The following MCMDC2 variants were observed in gnomAD, a reference collection of about 807,000 sequenced individuals.
The protein encoded by MCMDC2 is minichromosome maintenance domain-containing protein 2.
Under a neutral mutation model 75.8 loss-of-function variants are expected in MCMDC2, and 54 were observed. That is an observed-to-expected ratio of 0.71 (90% CI 0.57 to 0.89). The LOEUF is 0.89. MCMDC2 is among the 40% of genes least tolerant of loss of function. The pLI is 0.00. For missense variants in MCMDC2, 656 were observed against 780.4 expected (o/e 0.84, Z 1.90); for synonymous variants, 249 against 274.6 (o/e 0.91, Z 0.92).
At chr8:66,875,173 A>G (rs1811219274) in intron 4 of MCMDC2, among the ~76,000 whole-genome samples, 1 of 152,234 alleles carries the variant, frequency 6.6e-6, no homozygotes, top group Admixed American at 6.5e-5. Context: ...ATTTTTTCAT[A>G]CCTGCATCAT....
At chr8:66,925,545 G>A (rs796254873), downstream of MCMDC2, 51 of 152,490 alleles carry the variant, frequency 3.3e-4, no homozygotes, top group African/African-American at 1.2e-3. Flanking sequence ...GGGAAAGGAA[G>A]AGCGACATCG....
intron 14 of MCMDC2, among the ~76,000 whole-genome samples, chr8:66,908,759 C>T (rs1040292296): frequency 5.9e-5 from 9 of 152,076 alleles, no homozygotes; most frequent in Non-Finnish European, 1.3e-4. Context: ...TACAAGCATG[C>T]ACCACCACAC....
intron 14 of MCMDC2, among the ~76,000 whole-genome samples, chr8:66,907,537 T>C (rs1335734243): frequency 6.6e-6 from 1 of 152,202 alleles, no homozygotes; most frequent in Non-Finnish European, 1.5e-5. Flanking sequence ...TAAACATACG[T>C]GTGCATGTGT....
intron 4 of MCMDC2, among the ~76,000 whole-genome samples, chr8:66,875,341 G>A (rs796813615): frequency 1.7e-4 from 26 of 152,096 alleles, no homozygotes; most frequent in African/African-American, 5.3e-4. Context: ...GTGCAATGGC[G>A]TGATCTTGAC....
Position 66,921,014 on chromosome 8 carries a change from T to A in MCMDC2, c.*1845T>A, listed in dbSNP as rs1427843590. The A allele has an allele frequency of 1.3e-5, 2 of 152,168 alleles. No homozygotes were observed. The highest frequency in any genetic ancestry group is 4.8e-5 in the African/African-American group (2 of 41,424). The allele number at this position is 152,168 out of a possible 1,614,324, so 9.4% of individuals were successfully genotyped here. A position where few individuals can be genotyped will look rare whatever the true frequency, so the allele number is the denominator to read the frequency against. The stretch of plus-strand genomic sequence containing the variant: ...CTATATTTATATATACATATTTATA[T>A]GTAGCTGTCACCCAAGCTGTAGTGT... On this transcript the variant is annotated 3_prime_UTR_variant, in exon 15 of 15. Transcript: ENST00000422365.
chr8:66,906,781 A>AT lies in MCMDC2; in HGVS notation c.1879+1448dup, dbSNP rs1345100798. ...TTTTAAATTATTATTTATTATTATT[A>AT]TTATTTTTTTTTGAGATGGAGTTTC... On this transcript the variant is annotated intron_variant, in intron 14 of 14. Transcript: ENST00000422365. Among the ~76,000 whole-genome samples the AT allele has an allele frequency of 6.0e-5, 9 of 150,790 alleles. 1 individual carries two copies. The highest frequency in any genetic ancestry group is 5.8e-4 in the East Asian group (3 of 5,150).
At chr8:66,875,873 T>C (rs1344818943) in intron 4 of MCMDC2, among the ~76,000 whole-genome samples, 1 of 152,238 alleles carries the variant, frequency 6.6e-6, no homozygotes. Flanking sequence ...ATTTGTCTAA[T>C]TGCTTCCTTG....
At position 66,909,223 on chromosome 8, in the gene MCMDC2, C is replaced by A. The variant is rs571842245; in HGVS notation, c.1879+3888C>A. Among the ~76,000 whole-genome samples, 12 of 152,334 alleles carry A rather than the reference C, an allele frequency of 7.9e-5. No homozygotes were observed. The South Asian group carries it at 2.5e-3, about 32-fold the overall frequency. On this transcript the variant is annotated intron_variant, in intron 14 of 14. Coordinates refer to ENST00000422365, the MANE Select transcript of MCMDC2 (RefSeq NM_173518.5). ...TGTAAGTTTCCTGAGGCCTCCCCAG[C>A]CACGCTGAACTGTGAGTCAATTAAA...
chr8:66,876,124 C>T (rs550589245), intron 4 of MCMDC2, among the ~76,000 whole-genome samples: 187 of 152,328 alleles, frequency 1.2e-3, no homozygotes, highest in African/African-American at 4.4e-3. Flanking sequence ...CATCAACTTT[C>T]ACCTAATGGT....
downstream of MCMDC2, chr8:66,922,763 AT>A (rs1366774264): frequency 3.7e-6 from 1 of 271,860 alleles, no homozygotes; most frequent in Non-Finnish European, 7.4e-6. Context: ...TCCCATTTTT[AT>A]TTGCATTTTG....
intron 4 of MCMDC2, among the ~76,000 whole-genome samples, chr8:66,875,561 G>A (rs1811243519): frequency 6.6e-6 from 1 of 152,228 alleles, no homozygotes. Context: ...TTACAGGTGT[G>A]AGCTACTGTG....
intron 9 of MCMDC2, among the ~76,000 whole-genome samples, chr8:66,886,639 G>A (rs1193151549): frequency 1.3e-5 from 2 of 152,126 alleles, no homozygotes; most frequent in East Asian, 3.9e-4. Context: ...TGGGCATGGT[G>A]GCATGCGCCT....
intron 1 of MCMDC2, 122 bp downstream of exon 1, chr8:66,870,953 A>C (rs1810984521): frequency 1.3e-5 from 2 of 152,358 alleles, no homozygotes; most frequent in South Asian, 4.1e-4. Flanking sequence ...GTTTTCCTGC[A>C]GTCTTCCCCT....
chr8:66,874,594 T>G lies in MCMDC2; in HGVS notation c.285+8T>G. On this transcript the variant is annotated splice_region_variant and intron_variant, in intron 4 of 14. Coordinates refer to ENST00000422365, the MANE Select transcript of MCMDC2 (RefSeq NM_173518.5). ...TTGCAGACTGAAACGCAAGTAAGTT[T>G]TAGTTACATTTAAGCAAACTCAGGT... is the stretch of plus-strand genomic sequence containing the variant. 1.2e-6 allele frequency: 2 copies of G among 1,609,278 alleles called. No homozygotes were observed. Among genetic ancestry groups the G allele is most frequent in the Non-Finnish European group, 1.7e-6 (2 of 1,177,852 alleles).
chr8:66,901,323 C>G lies in MCMDC2; in HGVS notation c.1744C>G (p.Leu582Val). Residue 582 changes from leucine to valine, a missense_variant, in exon 13 of 15, where the codon CTG becomes GTG. By Grantham distance (32) the Leu-to-Val change is conservative. Coordinates refer to ENST00000422365, the MANE Select transcript of MCMDC2 (RefSeq NM_173518.5). Reference protein sequence around the residue: ...IRTGSVCGSKLSASALKYLVF... With the variant: ...IRTGSVCGSKVSASALKYLVF... ...AACAGGCTCTGTATGTGGATCAAAG[C>G]TGTCAGCATCTGCATTAAAATATCT... The G allele has an allele frequency of 1.2e-6, 2 of 1,611,748 alleles. No individual in the cohort carries two copies. The highest frequency in any genetic ancestry group is 2.2e-5 in the South Asian group (2 of 90,214).
intron 14 of MCMDC2, among the ~76,000 whole-genome samples, chr8:66,915,510 A>G (rs1178083591): frequency 6.8e-6 from 1 of 147,184 alleles, no homozygotes; most frequent in African/African-American, 2.5e-5. Context: ...TATGTTTTAT[A>G]TATTTATATA....
At chr8:66,876,690 G>A (rs192460280) in intron 4 of MCMDC2, among the ~76,000 whole-genome samples, 30 of 152,142 alleles carry the variant, frequency 2.0e-4, no homozygotes, top group African/African-American at 7.0e-4. Context: ...GGCACTAGGC[G>A]TGCTTCTTTG....
intron 13 of MCMDC2, among the ~76,000 whole-genome samples, chr8:66,904,174 G>A (rs536309264): frequency 6.6e-6 from 1 of 152,204 alleles, no homozygotes; most frequent in South Asian, 2.1e-4. Context: ...TAATGTGATG[G>A]TCAAAACTGC....
rs777744704 is a variant in MCMDC2, at chr8:66,880,848, G to C, written c.710-1G>C. ...TTTTCTTCTGTCTTTAATAATTTTA[G>C]ATGAATCAGTGAATAAAATGAATAT... On this transcript the variant is annotated splice_acceptor_variant, in intron 7 of 14. Coordinates refer to ENST00000422365, the MANE Select transcript of MCMDC2 (RefSeq NM_173518.5). LOFTEE classifies it high-confidence loss of function. 1.4e-5 allele frequency: 22 copies of C among 1,525,384 alleles called. No homozygotes were observed. The highest frequency in any genetic ancestry group is 1.8e-5 in the Non-Finnish European group (20 of 1,137,670). The allele number at this position is 1,525,384 out of a possible 1,614,324, so 94.5% of individuals were successfully genotyped here. A position where few individuals can be genotyped will look rare whatever the true frequency, so the allele number is the denominator to read the frequency against.
Sources: allele counts gnomAD v4.1 joint callset (sites outside exome capture counted in the v4.1 genomes callset), GRCh38; gene constraint gnomAD v4.1.1; transcripts MANE v1.5; gene names NCBI Gene and HGNC (gene_info 2026-07-23, HGNC 2026-07-21).